Variants in RAPGEF2 observed in about 807,000 individuals in gnomAD.
RAPGEF2 encodes Rap guanine nucleotide exchange factor 2, also known as PDZ domain containing guanine nucleotide exchange factor (GEF) 1.
RAPGEF2 carries 54 observed loss-of-function variants against 186.7 expected under a neutral mutation model. The ratio of observed to expected loss-of-function variants is 0.29; its 90% confidence interval spans 0.23 to 0.36. The LOEUF is 0.36. Among genes scored for constraint, RAPGEF2 ranks in the 10% least tolerant of loss-of-function variants. The pLI, the probability that RAPGEF2 is intolerant of heterozygous loss-of-function variation, is 1.00. For missense variants in RAPGEF2, 1,532 were observed against 2,045.0 expected (o/e 0.75, Z 4.84); for synonymous variants, 712 against 705.9 (o/e 1.01, Z -0.14).
At chr4:159,179,359 G>A (rs550456415) in intron 1 of RAPGEF2, among the ~76,000 whole-genome samples, 2 of 152,184 alleles carry the variant, frequency 1.3e-5, no homozygotes, top group East Asian at 1.9e-4. Flanking sequence ...TAACTCTCCA[G>A]CATTATTTTT....
intron 1 of RAPGEF2, among the ~76,000 whole-genome samples, chr4:159,119,329 TTGG>T (rs1739409466): frequency 6.6e-6 from 1 of 152,212 alleles, no homozygotes; most frequent in African/African-American, 2.4e-5. Flanking sequence ...AATCCTTTTC[TTGG>T]TGTTTTGTCT....
chr4:159,160,452 T>C (rs1579335929), intron 1 of RAPGEF2, among the ~76,000 whole-genome samples: 1 of 152,364 alleles, frequency 6.6e-6, no homozygotes, highest in Non-Finnish European at 1.5e-5. Flanking sequence ...CCCATCTGTT[T>C]CTGATTTTAA....
Position 159,261,475 on chromosome 4 carries a change from C to T in RAPGEF2, c.543+17684C>T, listed in dbSNP as rs1303932676. The stretch of plus-strand genomic sequence containing the variant: ...TATTATGGTTAGCTGTAATCTGCCT[C>T]TCCATAATTTTAGTTCATGTTTCTA... On this transcript the variant is annotated intron_variant, in intron 7 of 29. Transcript: ENST00000691494. Among the ~76,000 whole-genome samples, 3 of 152,204 alleles carry T rather than the reference C, an allele frequency of 2.0e-5. No homozygotes were observed. The South Asian group carries it at 6.2e-4, about 31-fold the overall frequency.
chr4:159,108,382 T>A (rs967744274), intron 1 of RAPGEF2, among the ~76,000 whole-genome samples: 2 of 144,908 alleles, frequency 1.4e-5, no homozygotes, highest in Admixed American at 1.4e-4. Context: ...CACAGAACTT[T>A]CTTTTTTTTT....
chr4:159,224,851 A>G lies in RAPGEF2; in HGVS notation c.282-13958A>G, dbSNP rs1579513642. 2.6e-5 allele frequency among the ~76,000 whole-genome samples: 4 copies of G among 152,322 alleles called. No homozygotes were observed. In the East Asian group the frequency reaches 7.7e-4, roughly 29 times the overall value. On this transcript the variant is annotated intron_variant, in intron 4 of 29. Coordinates refer to ENST00000691494, the MANE Select transcript of RAPGEF2 (RefSeq NM_001394067.2). ...CCATGGAAAAAGAAGTTGATGGAGC[A>G]TAATTTAAAAGGGCTAATTGGTGGA...
chr4:159,347,803 A>G (rs1730556059), intron 25 of RAPGEF2, among the ~76,000 whole-genome samples: 1 of 152,062 alleles, frequency 6.6e-6, no homozygotes. Context: ...AAAGAAGAAC[A>G]TCTAGTAGTT....
chr4:159,166,880 G>T (rs551963957), intron 1 of RAPGEF2, among the ~76,000 whole-genome samples: 1 of 152,324 alleles, frequency 6.6e-6, no homozygotes, highest in African/African-American at 2.4e-5. Context: ...AGTGGATGCT[G>T]ATGTGGGCAA....
At position 159,354,046 on chromosome 4, in the gene RAPGEF2, G is replaced by A. The variant is rs1731597488; in HGVS notation, c.4651G>A (p.Ala1551Thr). The change falls in exon 28 of 30, where the codon GCA (alanine) becomes ACA (threonine). Residue 1551 changes from alanine to threonine, a missense_variant and splice_region_variant. Coordinates refer to ENST00000691494, the MANE Select transcript of RAPGEF2 (RefSeq NM_001394067.2). Reference protein sequence around the residue: ...VASSTTKGLIARKEGRYREPP... With the variant: ...VASSTTKGLITRKEGRYREPP... ...ATCAAGTACTACAAAGGGGCTCATT[G>A]GTAAGTTTTAAAATTGGGGGACTTT... The A allele has an allele frequency of 2.6e-6, 4 of 1,555,530 alleles. No individual in the cohort carries two copies. The highest frequency in any genetic ancestry group is 3.5e-4 in the Middle Eastern group (2 of 5,788).
intron 1 of RAPGEF2, among the ~76,000 whole-genome samples, chr4:159,115,462 G>GTA (rs1738942137): frequency 6.6e-6 from 1 of 152,118 alleles, no homozygotes; most frequent in African/African-American, 2.4e-5. Context: ...TGAAAAATGT[G>GTA]TAAACATACA....
chr4:159,279,854 G>C (rs1367975091), intron 7 of RAPGEF2, among the ~76,000 whole-genome samples: 3 of 151,662 alleles, frequency 2.0e-5, no homozygotes. Context: ...AATTTTTGTG[G>C]ATTTTTTTTG....
chr4:159,277,002 T>C (rs935909665), intron 7 of RAPGEF2, among the ~76,000 whole-genome samples: 7 of 152,130 alleles, frequency 4.6e-5, no homozygotes, highest in African/African-American at 1.7e-4. Flanking sequence ...TATACATGTG[T>C]CATATTGGTG....
rs138066168 is a variant in RAPGEF2, at chr4:159,195,720, T to TG, written c.197+2468dup. 7.1e-3 allele frequency among the ~76,000 whole-genome samples: 1,085 copies of TG among 152,072 alleles called. 11 individuals carry two copies. Among genetic ancestry groups the TG allele is most frequent in the African/African-American group, 0.025 (1,033 of 41,426 alleles). On this transcript the variant is annotated intron_variant, in intron 3 of 29. Coordinates refer to ENST00000691494, the MANE Select transcript of RAPGEF2 (RefSeq NM_001394067.2). ...CATAAAATAATGCTTGTGTACATGC[T>TG]GGGGTAAACACACACTCTCTCCCTG...
chr4:159,233,361 C>G (rs1290988245), intron 4 of RAPGEF2, among the ~76,000 whole-genome samples: 3 of 152,100 alleles, frequency 2.0e-5, no homozygotes, highest in African/African-American at 7.2e-5. Flanking sequence ...CAATTTCATT[C>G]TTTTTCATGT....
Position 159,339,365 on chromosome 4 carries a change from TCTACCTTA to T in RAPGEF2, c.2534+14_2534+21del. On this transcript the variant is annotated intron_variant, in intron 19 of 29. Coordinates refer to ENST00000691494, the MANE Select transcript of RAPGEF2 (RefSeq NM_001394067.2). ...ACAACTGAGTGGAAGGTATATATTA[TCTACCTTA>T]CTGGATTTCTTTGTCCCCTCTTCGA... is the stretch of plus-strand genomic sequence containing the variant. 1 of 1,606,348 alleles carries T rather than the reference TCTACCTTA, an allele frequency of 6.2e-7. No homozygotes were observed. Among genetic ancestry groups the T allele is most frequent in the East Asian group, 2.2e-5 (1 of 44,684 alleles).
At chr4:159,311,429 A>G (rs1049118653) in intron 8 of RAPGEF2, among the ~76,000 whole-genome samples, 1 of 152,094 alleles carries the variant, frequency 6.6e-6, no homozygotes, top group Non-Finnish European at 1.5e-5. Context: ...TGCTATGGGG[A>G]GAGGTAGAAG....
intron 1 of RAPGEF2, among the ~76,000 whole-genome samples, chr4:159,122,427 C>T (rs982240821): frequency 4.0e-5 from 6 of 149,950 alleles, no homozygotes; most frequent in Admixed American, 2.0e-4. Flanking sequence ...TGCAGTGAGC[C>T]GAGACTGCAC....
At chr4:159,342,617 T>TGTTATGTTATGTTATGTTA in intron 20 of RAPGEF2, among the ~76,000 whole-genome samples, 1 of 146,694 alleles carries the variant, frequency 6.8e-6, no homozygotes, top group African/African-American at 2.5e-5. Flanking sequence ...TTTTATTTTA[T>TGTTATGTTATGTTATGTTA]TACTAGAGGA....
At chr4:159,316,345 A>G (rs144376065) in intron 9 of RAPGEF2, among the ~76,000 whole-genome samples, 19 of 152,164 alleles carry the variant, frequency 1.2e-4, no homozygotes, top group Admixed American at 2.0e-4. Flanking sequence ...TAGTATAACT[A>G]TTCTTGTTTT....
At chr4:159,283,492 A>C (rs1218203834) in intron 7 of RAPGEF2, among the ~76,000 whole-genome samples, 1 of 152,128 alleles carries the variant, frequency 6.6e-6, no homozygotes, top group Non-Finnish European at 1.5e-5. Context: ...ATTCACTAGA[A>C]TTTTAGAGAT....
Sources: allele counts gnomAD v4.1 joint callset (sites outside exome capture counted in the v4.1 genomes callset), GRCh38; gene constraint gnomAD v4.1.1; transcripts MANE v1.5; gene names NCBI Gene and HGNC (gene_info 2026-07-23, HGNC 2026-07-21).